The following CLEC2A variants were observed in gnomAD, a reference collection of about 807,000 sequenced individuals.
CLEC2A encodes the protein keratinocyte-associated C-type lectin.
Under a neutral mutation model 18.6 loss-of-function variants are expected in CLEC2A, and 19 were observed. The ratio of observed to expected loss-of-function variants is 1.02; its 90% CI spans 0.71 to 1.50. The LOEUF is 1.50. CLEC2A is among the 40% of genes most tolerant of loss of function. The pLI is 0.00. For synonymous variants in CLEC2A, 74 were observed against 64.0 expected (o/e 1.16, Z -0.75); for missense variants, 190 against 207.9 (o/e 0.91, Z 0.53).
At chr12:9,926,409 T>G (rs1863273616) in intron 1 of CLEC2A, 66 bp from the exon 2 acceptor site, 1 of 920,550 alleles carries the variant, frequency 1.1e-6, no homozygotes, top group South Asian at 1.4e-5. Flanking sequence ...TTATTACTGG[T>G]GTATTCCTCT....
At chr12:9,919,323 A>G (rs1187748580) in intron 3 of CLEC2A, among the ~76,000 whole-genome samples, 4 of 152,218 alleles carry the variant, frequency 2.6e-5, no homozygotes, top group Admixed American at 6.5e-5. Context: ...ATTCAGTGCA[A>G]TCAGCCCAGG....
At chr12:9,882,108 G>GA in the CLEC2A span, among the ~76,000 whole-genome samples, 45 of 144,474 alleles carry the variant, frequency 3.1e-4, no homozygotes, top group African/African-American at 6.4e-4. Context: ...CGAGAAGAGA[G>GA]AAAAAAAAAC....
downstream of CLEC2A, among the ~76,000 whole-genome samples, chr12:9,898,215 A>G (rs1862778638): frequency 6.6e-6 from 1 of 152,198 alleles, no homozygotes; most frequent in African/African-American, 2.4e-5. Context: ...TCCTCATAGA[A>G]CTGATATTCA....
At chr12:9,899,660 G>A (rs1862799225) in intron 4 of CLEC2A, among the ~76,000 whole-genome samples, 1 of 152,206 alleles carries the variant, frequency 6.6e-6, no homozygotes, top group Non-Finnish European at 1.5e-5. Flanking sequence ...CCTGAAGCAG[G>A]GGAGGCTAGA....
In CLEC2A at chr12:9,932,301, C is replaced by G; in HGVS notation, c.29G>C (p.Arg10Thr). 1.3e-6 allele frequency: 2 copies of G among 1,551,930 alleles called. No homozygotes were observed. Among genetic ancestry groups the G allele is most frequent in the Non-Finnish European group, 1.7e-6 (2 of 1,146,914 alleles). Residue 10 changes from arginine (R) to threonine (T), a missense_variant, in exon 1 of 5, where the codon AGA becomes ACA. Arg to Thr is a moderately conservative substitution (Grantham distance 71). Coordinates refer to ENST00000455827, the MANE Select transcript of CLEC2A (RefSeq NM_001130711.2). ...TATCCGATGTATGAAGCCATCAGCTCTGCCATCCCGCAGCTCTGGATTAAT... is the reference window on the plus strand; with the variant it reads ...TATCCGATGTATGAAGCCATCAGCTGTGCCATCCCGCAGCTCTGGATTAAT... MINPELRDG[R>T]ADGFIHRIVP...
the CLEC2A span, among the ~76,000 whole-genome samples, chr12:9,878,995 G>A: frequency 9.2e-5 from 14 of 152,146 alleles, no homozygotes; most frequent in African/African-American, 2.2e-4. Flanking sequence ...ATGCTACAGC[G>A]GAATCAGGCT....
intron 4 of CLEC2A, among the ~76,000 whole-genome samples, chr12:9,914,159 A>ACATACTGCAATAGAAACCTAAGAGACTG (rs1565530778): frequency 3.3e-5 from 5 of 152,348 alleles, no homozygotes; most frequent in Admixed American, 3.3e-4. Flanking sequence ...TACTTTTGAA[A>ACATACTGCAATAGAAACCTAAGAGACTG]CATACTGCAA....
At chr12:9,920,516 T>C (rs987531925) in intron 3 of CLEC2A, among the ~76,000 whole-genome samples, 3 of 152,330 alleles carry the variant, frequency 2.0e-5, no homozygotes, top group Non-Finnish European at 4.4e-5. Flanking sequence ...CCTGGCTCCA[T>C]GTCGTTCCCA....
At chr12:9,922,285 C>G in intron 2 of CLEC2A, 53 bp from the exon 3 acceptor site, 1 of 1,421,960 alleles carries the variant, frequency 7.0e-7, no homozygotes, top group Non-Finnish European at 9.3e-7. Context: ...AAAAGTGTTT[C>G]TACTCATTCA....
intron 3 of CLEC2A, among the ~76,000 whole-genome samples, 194 bp downstream of exon 3, chr12:9,921,866 AGGAGGG>A (rs1863178060): frequency 6.6e-6 from 1 of 152,166 alleles, no homozygotes. Context: ...GAGTAGGCTG[AGGAGGG>A]GGAAGAAGAG....
At chr12:9,900,053 C>T (rs1234935491) in intron 4 of CLEC2A, among the ~76,000 whole-genome samples, 2 of 152,122 alleles carry the variant, frequency 1.3e-5, no homozygotes, top group Admixed American at 6.5e-5. Flanking sequence ...TGTGACATAC[C>T]CAGCTAACTG....
chr12:9,895,924 G>C, downstream of CLEC2A: 2 of 1,262,884 alleles, frequency 1.6e-6, no homozygotes, highest in South Asian at 1.8e-5. Context: ...CTAACAGAAA[G>C]TTTCTGCTAA....
At chr12:9,888,770 C>A in the CLEC2A span, 1 of 1,500,512 alleles carries the variant, frequency 6.7e-7, no homozygotes, top group Non-Finnish European at 9.0e-7. Context: ...TAAACGTCAG[C>A]AGTCTATCAG....
downstream of CLEC2A, among the ~76,000 whole-genome samples, chr12:9,895,092 GA>G (rs1862741186): frequency 6.6e-6 from 1 of 152,094 alleles, no homozygotes; most frequent in African/African-American, 2.4e-5. Context: ...TTATACTGTG[GA>G]AGTTATATGA....
chr12:9,911,636 G>A (rs1195254698), downstream of CLEC2A, among the ~76,000 whole-genome samples: 5 of 152,132 alleles, frequency 3.3e-5, no homozygotes, highest in Admixed American at 3.3e-4. Flanking sequence ...TTAAAGTCAT[G>A]TGAACTGAAA....
At chr12:9,912,508 G>A (rs979609757), downstream of CLEC2A, among the ~76,000 whole-genome samples, 9 of 152,214 alleles carry the variant, frequency 5.9e-5, no homozygotes, top group East Asian at 1.9e-4. Flanking sequence ...CATTTCATTC[G>A]CCTCTTCTCG....
intron 4 of CLEC2A, among the ~76,000 whole-genome samples, chr12:9,914,950 A>ATCTACCCATCTGTCAAAGG (rs1863045799): frequency 6.6e-6 from 1 of 151,840 alleles, no homozygotes; most frequent in Admixed American, 6.6e-5. Flanking sequence ...AATTTTTGCA[A>ATCTACCCATCTGTCAAAGG]TCTACCCATC....
downstream of CLEC2A, chr12:9,895,680 G>T (rs1318486841): frequency 1.3e-6 from 2 of 1,515,874 alleles, no homozygotes; most frequent in Non-Finnish European, 1.8e-6. Flanking sequence ...TCTGTCCTTT[G>T]TCTCTTAGGT....
At chr12:9,922,828 T>A (rs906109345) in intron 2 of CLEC2A, among the ~76,000 whole-genome samples, 3 of 152,202 alleles carry the variant, frequency 2.0e-5, no homozygotes, top group Non-Finnish European at 4.4e-5. Context: ...GCATTCCACA[T>A]GTTTGAATAA....
Sources: gnomAD v4.1 joint callset for allele counts (sites outside exome capture counted in the v4.1 genomes callset) on GRCh38, gnomAD v4.1.1 for gene constraint, MANE v1.5 for transcripts, NCBI Gene and HGNC (gene_info 2026-07-23, HGNC 2026-07-21) for gene names.